The following CTNNA1 variants were observed in gnomAD, a reference collection of about 807,000 sequenced individuals.
The protein encoded by CTNNA1 is catenin alpha-1.
In CTNNA1, 37 loss-of-function variants were observed where a neutral mutation model predicts 98.4. The observed-to-expected ratio is 0.38, with a 90% CI of 0.29 to 0.49. The LOEUF is 0.49. Among genes scored for constraint, CTNNA1 ranks in the 20% least tolerant of loss-of-function variants. The probability of loss-of-function intolerance (pLI) is 0.95; values close to 1 mark genes in which losing one functional copy is unlikely to be tolerated. For missense variants in CTNNA1, 761 were observed against 1,147.2 expected (o/e 0.66, Z 4.86); for synonymous variants, 404 against 413.2 (o/e 0.98, Z 0.27).
At chr5:138,789,793 G>A (rs893621180) in intron 3 of CTNNA1, among the ~76,000 whole-genome samples, 4 of 152,192 alleles carry the variant, frequency 2.6e-5, no homozygotes, top group Non-Finnish European at 4.4e-5. Flanking sequence ...CATATTTAGA[G>A]GGTGGCTTGG....
At chr5:138,779,594 C>G (rs1467861606) in intron 1 of CTNNA1, among the ~76,000 whole-genome samples, 1 of 151,862 alleles carries the variant, frequency 6.6e-6, no homozygotes, top group Admixed American at 6.6e-5. Flanking sequence ...TCTCAAACTC[C>G]TGGGCTTAAG....
chr5:138,932,462 C>A, intron 16 of CTNNA1, 116 bp from the exon 17 acceptor site: 1 of 1,480,680 alleles, frequency 6.8e-7, no homozygotes. Flanking sequence ...GATTTTGCTC[C>A]AGCAAGAGGA....
chr5:138,781,907 T>A lies in CTNNA1; in HGVS notation c.-2-16T>A. 6.4e-7 allele frequency: 1 copy of A among 1,571,156 alleles called. No homozygotes were observed. Reference sequence around the variant, plus strand: ...TGTTTGATGTTTGCCTGACTGACTTTTTGTTTCTTATTTAGAAATGACTGC... The same window carrying A: ...TGTTTGATGTTTGCCTGACTGACTTATTGTTTCTTATTTAGAAATGACTGC... On this transcript the variant is annotated splice_polypyrimidine_tract_variant and intron_variant, in intron 1 of 17. Coordinates refer to ENST00000302763, the MANE Select transcript of CTNNA1 (RefSeq NM_001903.5).
At chr5:138,836,297 C>A (rs781106801) in intron 7 of CTNNA1, among the ~76,000 whole-genome samples, 1 of 152,192 alleles carries the variant, frequency 6.6e-6, no homozygotes, top group Non-Finnish European at 1.5e-5. Flanking sequence ...CAATAGTTTT[C>A]TCTGTGTCTA....
intron 5 of CTNNA1, among the ~76,000 whole-genome samples, chr5:138,813,396 A>G (rs1759047965): frequency 6.6e-6 from 1 of 152,194 alleles, no homozygotes; most frequent in Non-Finnish European, 1.5e-5. Flanking sequence ...TTCCTCAGTT[A>G]TCCCTGGCAA....
intron 16 of CTNNA1, among the ~76,000 whole-genome samples, chr5:138,931,361 T>C (rs1765274182): frequency 6.6e-6 from 1 of 152,222 alleles, no homozygotes; most frequent in Admixed American, 6.5e-5. Context: ...TCCTACCGCC[T>C]GGAAATTGTA....
intron 7 of CTNNA1, chr5:138,870,122 A>G (rs1375802465): frequency 1.3e-5 from 2 of 152,208 alleles, no homozygotes; most frequent in Non-Finnish European, 2.9e-5. Flanking sequence ...TGGAGTGGGT[A>G]GTGGTGGTGA....
At position 138,809,967 on chromosome 5, in the gene CTNNA1, A is replaced by C. The variant is rs578191887; in HGVS notation, c.302-71A>C. The stretch of plus-strand genomic sequence containing the variant: ...AATATACAAAGTTTGGATTATTTTT[A>C]TATTTTTAAAAATGTAGATCAGTTA... On this transcript the variant is annotated intron_variant, in intron 3 of 17. Transcript: ENST00000302763. 3 of 1,498,208 alleles carry C rather than the reference A, an allele frequency of 2.0e-6. No individual in the cohort carries two copies. In the African/African-American group the frequency reaches 4.2e-5, roughly 21 times the overall value. 92.8% of individuals were successfully genotyped at this position (1,498,208 alleles called of 1,614,324 possible).
intron 11 of CTNNA1, among the ~76,000 whole-genome samples, chr5:138,922,920 C>A: frequency 7.1e-6 from 1 of 140,956 alleles, no homozygotes; most frequent in African/African-American, 2.7e-5. Context: ...TCAAGAAAGT[C>A]TAAATGGATT....
intron 10 of CTNNA1, among the ~76,000 whole-genome samples, chr5:138,917,435 T>A (rs1235298020): frequency 6.6e-6 from 1 of 152,254 alleles, no homozygotes; most frequent in African/African-American, 2.4e-5. Flanking sequence ...TATTTTTTGA[T>A]GTGGCTATAT....
intron 2 of CTNNA1, chr5:138,782,248 C>T (rs1450673546): frequency 8.0e-6 from 5 of 627,844 alleles, no homozygotes; most frequent in South Asian, 1.6e-5. Flanking sequence ...GTAACGGGTC[C>T]ATGGTATGTA....
At chr5:138,786,014 C>G (rs545692734) in intron 3 of CTNNA1, among the ~76,000 whole-genome samples, 29 of 152,156 alleles carry the variant, frequency 1.9e-4, no homozygotes, top group Non-Finnish European at 3.2e-4. Flanking sequence ...TATACATTCC[C>G]TGCTCCCCAA....
rs28363394 is a variant in CTNNA1 at position 138,812,250 on chromosome 5, C to T, written c.536C>T (p.Ala179Val). 3,260 of 1,613,660 alleles carry T rather than the reference C, an allele frequency of 2.0e-3. 3 individuals are homozygous for T. Among genetic ancestry groups the T allele is most frequent in the Non-Finnish European group, 2.6e-3 (3,024 of 1,179,776 alleles). ...CAAGACTTAGGAATCCAGTATAAAGCCCTAAAACCTGAAGTGGATAAGCTG... is the reference window on the plus strand; with the variant it reads ...CAAGACTTAGGAATCCAGTATAAAGTCCTAAAACCTGAAGTGGATAAGCTG... ...NEQDLGIQYK[A>V]LKPEVDKLNI... The change falls in exon 5 of 18, where the codon GCC (alanine) becomes GTC (valine). Residue 179 changes from alanine (A) to valine (V), a missense_variant. By Grantham distance (64) the Ala-to-Val change is moderately conservative (BLOSUM62 0). Transcript: ENST00000302763.
At position 138,874,140 on chromosome 5, in the gene CTNNA1, A is replaced by G. The variant is rs1751008823; in HGVS notation, c.1063-12072A>G. On this transcript the variant is annotated intron_variant, in intron 7 of 17. Coordinates refer to ENST00000302763, the MANE Select transcript of CTNNA1 (RefSeq NM_001903.5). The surrounding 1 kb of genome is among the most constrained non-coding windows in gnomAD (Gnocchi z 4.1). ...TGCAGAGATGACAGCTGATTAAAAG[A>G]CAGGTCCAAATTTTGCAGGTTAATC... 6.2e-7 allele frequency: 1 copy of G among 1,613,618 alleles called. No individual in the cohort carries two copies. Among genetic ancestry groups the G allele is most frequent in the Non-Finnish European group, 8.5e-7 (1 of 1,179,728 alleles).
chr5:138,853,022 G>C (rs10043478), intron 7 of CTNNA1, among the ~76,000 whole-genome samples: 103,274 of 151,932 alleles, frequency 0.68, 35,349 homozygotes, highest in East Asian at 0.93. Context: ...TTTTATTGCT[G>C]ACTACACTAT....
intron 16 of CTNNA1, chr5:138,932,278 G>T: frequency 8.6e-7 from 1 of 1,165,804 alleles, no homozygotes; most frequent in Non-Finnish European, 1.1e-6. Context: ...CTTGGCCAGG[G>T]TGGTTTCCCC....
intron 1 of CTNNA1, among the ~76,000 whole-genome samples, chr5:138,764,786 C>T (rs1321683542): frequency 2.0e-5 from 3 of 149,692 alleles, no homozygotes; most frequent in Admixed American, 6.7e-5. Context: ...ACATTTATTT[C>T]GGGTCTTTAA....
At chr5:138,811,014 GGGCT>G (rs1758670748) in intron 4 of CTNNA1, among the ~76,000 whole-genome samples, 1 of 151,854 alleles carries the variant, frequency 6.6e-6, no homozygotes, top group Admixed American at 6.5e-5. Flanking sequence ...GGCCTGGCGG[GGGCT>G]GACCCCCACC....
chr5:138,859,283 C>T (rs562882348), intron 7 of CTNNA1, among the ~76,000 whole-genome samples: 6 of 151,968 alleles, frequency 3.9e-5, no homozygotes, highest in Middle Eastern at 3.4e-3. Flanking sequence ...CTTTTTTTTC[C>T]GTGACTGCCA....
Sources: allele counts gnomAD v4.1 joint callset (sites outside exome capture counted in the v4.1 genomes callset), GRCh38; gene constraint gnomAD v4.1.1; non-coding constraint Gnocchi (gnomAD v3.1); transcripts MANE v1.5; gene names NCBI Gene and HGNC (gene_info 2026-07-23, HGNC 2026-07-21).